The following PAX7 variants were observed in gnomAD, a reference collection of about 807,000 sequenced individuals.
The protein encoded by PAX7 is paired box protein Pax-7.
A neutral mutation model predicts 50.7 loss-of-function variants in PAX7; 18 were observed. The ratio of observed to expected loss-of-function variants is 0.36; its 90% CI spans 0.25 to 0.53. PAX7 has a LOEUF of 0.53. Among genes scored for constraint, PAX7 ranks in the 20% least tolerant of loss-of-function variants. The pLI is 0.93. For missense variants in PAX7, 644 were observed against 702.9 expected, an observed-to-expected ratio of 0.92 and a Z score of 0.95; for synonymous variants, 310 against 290.4, an observed-to-expected ratio of 1.07 and a Z score of -0.69.
intron 4 of PAX7, among the ~76,000 whole-genome samples, chr1:18,639,399 T>TC (rs764250581): frequency 7.9e-5 from 12 of 151,872 alleles, no homozygotes; most frequent in Non-Finnish European, 1.5e-4. Flanking sequence ...GTTCATATTT[T>TC]TTTTTTTGCT....
chr1:18,729,527 A>C (rs186933170), intron 7 of PAX7, among the ~76,000 whole-genome samples: 3 of 152,298 alleles, frequency 2.0e-5, no homozygotes, highest in Non-Finnish European at 2.9e-5. Flanking sequence ...GGGAGTGCAA[A>C]TGGGAAAAAC....
At chr1:18,698,984 C>T (rs77977448) in intron 5 of PAX7, among the ~76,000 whole-genome samples, 4,241 of 152,244 alleles carry the variant, frequency 0.028, 99 homozygotes, top group South Asian at 0.088. Flanking sequence ...TGATCAGGTG[C>T]CAGGGGAGGT....
In PAX7 at chr1:18,636,425, G is replaced by T; in HGVS notation, c.586+54G>T. 6.3e-7 allele frequency: 1 copy of T among 1,597,592 alleles called. No individual in the cohort carries two copies. Among genetic ancestry groups the T allele is most frequent in the Admixed American group, 1.7e-5 (1 of 58,146 alleles). ...CCAGCCCGGGTTTTCCCACGCTCCGGTGTGCGGGCCAGTGGTTCGCTCCCG... is the reference window on the plus strand; with the variant it reads ...CCAGCCCGGGTTTTCCCACGCTCCGTTGTGCGGGCCAGTGGTTCGCTCCCG... On this transcript the variant is annotated intron_variant, in intron 4 of 8. Transcript: ENST00000420770. This position sits in a 1 kb window ranked among gnomAD's most constrained non-coding sequence, Gnocchi z 5.1.
chr1:18,640,815 G>A (rs1045481034), intron 4 of PAX7, among the ~76,000 whole-genome samples: 13 of 151,756 alleles, frequency 8.6e-5, no homozygotes, highest in African/African-American at 3.1e-4. Flanking sequence ...AGAGAGGGAG[G>A]GGGCGCTGGA....
intron 4 of PAX7, among the ~76,000 whole-genome samples, chr1:18,681,532 C>T (rs1423069964): frequency 1.3e-5 from 2 of 152,076 alleles, no homozygotes; most frequent in Non-Finnish European, 2.9e-5. Context: ...TTCCTTCTTC[C>T]TAGAAAGGCT....
Position 18,703,248 on chromosome 1 carries a change from G to A in PAX7, c.1107G>A (p.Ala369=). The A allele has an allele frequency of 6.2e-7, 1 of 1,614,146 alleles. No individual in the cohort carries two copies. The highest frequency in any genetic ancestry group is 1.1e-5 in the South Asian group (1 of 91,080). Residue 369 remains alanine, a synonymous_variant, in exon 7 of 9, where the codon GCG becomes GCA. Coordinates refer to ENST00000420770, the MANE Select transcript of PAX7 (RefSeq NM_001135254.2). Reference sequence around the variant, plus strand: ...ACTCTGACAGCTTCATGAATCCGGCGGCGCCCTCCAACCACATGAACCCGG... The same window carrying A: ...ACTCTGACAGCTTCATGAATCCGGCAGCGCCCTCCAACCACATGAACCCGG... The part of the protein sequence containing the change: ...SSYSDSFMNP[A]APSNHMNPVS...
intron 8 of PAX7, among the ~76,000 whole-genome samples, chr1:18,736,723 G>A (rs1930694023): frequency 6.6e-6 from 1 of 152,218 alleles, no homozygotes; most frequent in South Asian, 2.1e-4. Context: ...GTTTGCAACT[G>A]AGAAAATATA....
chr1:18,696,347 A>G (rs12564184), intron 5 of PAX7, among the ~76,000 whole-genome samples: 8,627 of 152,166 alleles, frequency 0.057, 415 homozygotes, highest in East Asian at 0.25. Context: ...GATTACAGGC[A>G]TGAGCCACTG....
At chr1:18,649,302 A>G (rs1456856146) in intron 4 of PAX7, among the ~76,000 whole-genome samples, 1 of 152,152 alleles carries the variant, frequency 6.6e-6, no homozygotes, top group Non-Finnish European at 1.5e-5. Context: ...GCCTTTCCCC[A>G]TGCTGGCAGT....
At position 18,691,870 on chromosome 1, in the gene PAX7, G is replaced by T. The variant is rs147079707; in HGVS notation, c.703G>T (p.Ala235Ser). 2 of 1,613,956 alleles carry T rather than the reference G, an allele frequency of 1.2e-6. No homozygotes were observed. The highest frequency in any genetic ancestry group is 2.2e-5 in the South Asian group (2 of 91,058). The part of the protein sequence containing the change: ...TAEQLEELEK[A>S]FERTHYPDIY... ...CGAGCAGCTGGAGGAGCTGGAGAAG[G>T]CCTTTGAGAGGACCCACTACCCAGA... Residue 235 changes from alanine (A) to serine (S), a missense_variant, in exon 5 of 9, where the codon GCC becomes TCC. Physicochemically the swap from Ala to Ser is moderately conservative, Grantham distance 99. Transcript: ENST00000420770.
In PAX7 at chr1:18,631,496, A is replaced by G; in HGVS notation, c.-108A>G. 1 of 972,568 alleles carries G rather than the reference A, an allele frequency of 1.0e-6. No homozygotes were observed. The highest frequency in any genetic ancestry group is 1.4e-5 in the South Asian group (1 of 70,692). 60.2% of individuals were successfully genotyped at this position (972,568 alleles called of 1,614,324 possible). On this transcript the variant is annotated 5_prime_UTR_variant, in exon 1 of 9. Transcript: ENST00000420770. ...GTGGAGGGGAGGGAGAAGAGGTTAA[A>G]AAAAAGAAGACGAAGAAGACGGAAA...
intron 4 of PAX7, among the ~76,000 whole-genome samples, chr1:18,685,537 G>A (rs1027678511): frequency 1.3e-5 from 2 of 152,216 alleles, no homozygotes; most frequent in Non-Finnish European, 2.9e-5. Flanking sequence ...GGCCCAGGAA[G>A]CCTTGCTGGG....
chr1:18,736,904 C>T (rs1401727975), intron 8 of PAX7, among the ~76,000 whole-genome samples: 1 of 152,230 alleles, frequency 6.6e-6, no homozygotes, highest in Non-Finnish European at 1.5e-5. Context: ...TGCTGGTGGC[C>T]ACTGTGCTGG....
chr1:18,636,082 C>T lies in PAX7; in HGVS notation c.452-155C>T, dbSNP rs189171308. ...CCAAGTGGATGCTGGTTATGGAGTA[C>T]GTGTCAATGCCTAAATGCCTGTGTG... On this transcript the variant is annotated intron_variant, in intron 3 of 8. Coordinates refer to ENST00000420770, the MANE Select transcript of PAX7 (RefSeq NM_001135254.2). The surrounding 1 kb of genome is among the most constrained non-coding windows in gnomAD (Gnocchi z 5.1). Among the ~76,000 whole-genome samples, 1 of 152,158 alleles carries T rather than the reference C, an allele frequency of 6.6e-6. No individual in the cohort carries two copies. The highest frequency in any genetic ancestry group is 1.9e-4 in the East Asian group (1 of 5,168).
At position 18,745,286 on chromosome 1, in the gene PAX7, G is replaced by A. The variant is rs753800946; in HGVS notation, c.*357G>A. 2 of 319,344 alleles carry A rather than the reference G, an allele frequency of 6.3e-6. No individual in the cohort carries two copies. Among genetic ancestry groups the A allele is most frequent in the Non-Finnish European group, 5.9e-6 (1 of 170,646 alleles). The allele number at this position is 319,344 out of a possible 1,614,324, so 19.8% of individuals were successfully genotyped here. A position where few individuals can be genotyped will look rare whatever the true frequency, so the allele number is the denominator to read the frequency against. The stretch of plus-strand genomic sequence containing the variant: ...AGAGGAGGATGGTGCCTGAGAGGAG[G>A]TCCTACAGCCCTTTGGACCCAACTC... On this transcript the variant is annotated 3_prime_UTR_variant, in exon 9 of 9. Coordinates refer to ENST00000420770, the MANE Select transcript of PAX7 (RefSeq NM_001135254.2).
chr1:18,673,168 T>G (rs1416379078), intron 4 of PAX7, among the ~76,000 whole-genome samples: 2 of 152,158 alleles, frequency 1.3e-5, no homozygotes, highest in Non-Finnish European at 2.9e-5. Flanking sequence ...CTTGGATAAA[T>G]CACTGCCCCT....
chr1:18,635,855 C>G (rs2088146720), intron 3 of PAX7, among the ~76,000 whole-genome samples: 1 of 151,420 alleles, frequency 6.6e-6, no homozygotes, highest in Non-Finnish European at 1.5e-5. Flanking sequence ...CATTCAGGCA[C>G]GCAGGGCCAG....
intron 4 of PAX7, among the ~76,000 whole-genome samples, chr1:18,651,631 CAG>C (rs1214091300): frequency 6.6e-6 from 1 of 152,128 alleles, no homozygotes; most frequent in African/African-American, 2.4e-5. Context: ...TGTGAATCCG[CAG>C]AATTAATTTA....
At position 18,735,936 on chromosome 1, in the gene PAX7, C is replaced by A. The variant is rs2089707834; in HGVS notation, c.1402+58C>A. 3 of 1,613,826 alleles carry A rather than the reference C, an allele frequency of 1.9e-6. No individual in the cohort carries two copies. In the Admixed American group the frequency reaches 5.0e-5, roughly 27 times the overall value. On this transcript the variant is annotated intron_variant, in intron 8 of 8. Transcript: ENST00000420770. The surrounding 1 kb of genome is among the most constrained non-coding windows in gnomAD (Gnocchi z 4.0). Reference sequence around the variant, plus strand: ...CCCATTCCTTCTCCCACCCCCAGGGCCTCCTGCTTGTTTATGGAGAGCTAC... The same window carrying A: ...CCCATTCCTTCTCCCACCCCCAGGGACTCCTGCTTGTTTATGGAGAGCTAC...
Sources: gnomAD v4.1 joint callset for allele counts (sites outside exome capture counted in the v4.1 genomes callset) on GRCh38, gnomAD v4.1.1 for gene constraint, Gnocchi (gnomAD v3.1) non-coding constraint, MANE v1.5 for transcripts, NCBI Gene and HGNC (gene_info 2026-07-23, HGNC 2026-07-21) for gene names.